The following SAR1B variants were observed in gnomAD, a reference collection of about 807,000 sequenced individuals.
SAR1B encodes the protein secretion associated Ras related GTPase 1B, also known as small COPII coat GTPase SAR1B.
In SAR1B, 23 loss-of-function variants were observed where a neutral mutation model predicts 26.8. That is an observed-to-expected ratio of 0.86 (90% CI 0.62 to 1.22). The LOEUF (loss-of-function observed/expected upper bound fraction) is 1.22. Among genes scored for constraint, SAR1B ranks in the 50% most tolerant of loss-of-function variants. The probability of loss-of-function intolerance (pLI) is 0.00; values close to 1 mark genes in which losing one functional copy is unlikely to be tolerated. For synonymous variants in SAR1B, 65 were observed against 80.8 expected (o/e 0.80, Z 1.05); for missense variants, 196 against 232.8 (o/e 0.84, Z 1.03).
intron 2 of SAR1B, 77 bp downstream of exon 2, chr5:134,623,885 A>G: frequency 3.1e-6 from 3 of 972,344 alleles, no homozygotes; most frequent in Non-Finnish European, 5.0e-6. Context: ...ATCTATAAAG[A>G]GACTTGACAC....
intron 4 of SAR1B, among the ~76,000 whole-genome samples, chr5:134,612,479 T>A (rs1219077233): frequency 6.6e-6 from 1 of 151,340 alleles, no homozygotes; most frequent in Non-Finnish European, 1.5e-5. Context: ...ATCCCATCTC[T>A]ACTAAGAATA....
intron 4 of SAR1B, among the ~76,000 whole-genome samples, 186 bp downstream of exon 4, chr5:134,612,505 C>T (rs60181762): frequency 6.6e-6 from 1 of 151,468 alleles, no homozygotes; most frequent in Non-Finnish European, 1.5e-5. Flanking sequence ...ATCAGCTGGG[C>T]GCGGTGGCAC....
chr5:134,621,992 G>A (rs1266543201), intron 2 of SAR1B, among the ~76,000 whole-genome samples: 1 of 152,142 alleles, frequency 6.6e-6, no homozygotes, highest in East Asian at 1.9e-4. Context: ...CCAAGGTGCT[G>A]GGATTATCAG....
intron 1 of SAR1B, among the ~76,000 whole-genome samples, chr5:134,626,925 A>AGGTCGATTTTAT (rs1473247307): frequency 6.6e-6 from 1 of 152,334 alleles, no homozygotes; most frequent in Non-Finnish European, 1.5e-5. Context: ...CAATTTTAAA[A>AGGTCGATTTTAT]GGTCGATTTT....
rs1765033866 is a variant in SAR1B at position 134,601,557 on chromosome 5, C to T, written c.*5393G>A. The T allele has an allele frequency of 6.6e-6, 1 of 152,168 alleles. No individual in the cohort carries two copies. Among genetic ancestry groups the T allele is most frequent in the South Asian group, 2.1e-4 (1 of 4,830 alleles). The allele number at this position is 152,168 out of a possible 1,614,324, so 9.4% of individuals were successfully genotyped here. ...ACTATGTTCACCCTGAGTGCTCTTGCCTCAGTATGGCAACTGATTATGAGT... is the reference window on the plus strand; with the variant it reads ...ACTATGTTCACCCTGAGTGCTCTTGTCTCAGTATGGCAACTGATTATGAGT... On this transcript the variant is annotated 3_prime_UTR_variant, in exon 7 of 7. Transcript: ENST00000402673.
At chr5:134,609,227 C>A in intron 5 of SAR1B, 1 of 418,864 alleles carries the variant, frequency 2.4e-6, no homozygotes, top group South Asian at 1.9e-5. Flanking sequence ...CAGGCTGTGG[C>A]TTAAGATATA....
chr5:134,615,365 A>C (rs1199984586), intron 3 of SAR1B, among the ~76,000 whole-genome samples: 3 of 150,030 alleles, frequency 2.0e-5, no homozygotes, highest in African/African-American at 7.4e-5. Flanking sequence ...AAAAAAAAAA[A>C]TTACCCAGGC....
At chr5:134,608,323 T>G (rs774814003) in intron 6 of SAR1B, 49 bp downstream of exon 6, 11 of 1,509,810 alleles carry the variant, frequency 7.3e-6, no homozygotes, top group Non-Finnish European at 8.9e-6. Context: ...AGAAGACATT[T>G]GTACTGTAGA....
chr5:134,616,797 G>A (rs1344808243), intron 3 of SAR1B, among the ~76,000 whole-genome samples: 5 of 152,166 alleles, frequency 3.3e-5, no homozygotes, highest in Non-Finnish European at 5.9e-5. Context: ...AACTTTTTAT[G>A]ACCAGCTTCT....
chr5:134,608,256 G>A (rs1193555840), intron 6 of SAR1B, 116 bp downstream of exon 6: 3 of 1,076,898 alleles, frequency 2.8e-6, no homozygotes, highest in Non-Finnish European at 4.0e-6. Context: ...AGGTATAAAT[G>A]ACAGTTTTCT....
chr5:134,619,859 T>C (rs775813833), intron 3 of SAR1B, among the ~76,000 whole-genome samples: 5 of 152,056 alleles, frequency 3.3e-5, no homozygotes, highest in Non-Finnish European at 7.4e-5. Flanking sequence ...ATGGCTCCTA[T>C]CTTTAATCCC....
chr5:134,607,008 A>G lies in SAR1B; in HGVS notation c.539T>C (p.Val180Ala). Residue 180 changes from valine (V) to alanine (A), a missense_variant, in exon 7 of 7, where the codon GTG becomes GCG. Val to Ala is a moderately conservative substitution (Grantham distance 64, BLOSUM62 0). Coordinates refer to ENST00000402673, the MANE Select transcript of SAR1B (RefSeq NM_016103.4). The part of the protein sequence containing the change: ...ARPLEVFMCS[V>A]LKRQGYGEGF... The stretch of plus-strand genomic sequence containing the variant: ...TTCTCCGTAACCTTGTCTTTTGAGC[A>G]CACTACACATGAAAACTTCTAAGGG... 1 of 1,614,168 alleles carries G rather than the reference A, an allele frequency of 6.2e-7. No homozygotes were observed. The highest frequency in any genetic ancestry group is 8.5e-7 in the Non-Finnish European group (1 of 1,180,002).
chr5:134,611,224 A>G (rs1360817486), intron 4 of SAR1B, among the ~76,000 whole-genome samples: 3 of 152,284 alleles, frequency 2.0e-5, no homozygotes, highest in Middle Eastern at 3.4e-3. Context: ...ATTAGATTCC[A>G]ATTCTAATCA....
At chr5:134,615,546 T>C (rs1765295939) in intron 3 of SAR1B, among the ~76,000 whole-genome samples, 1 of 151,028 alleles carries the variant, frequency 6.6e-6, no homozygotes, top group Non-Finnish European at 1.5e-5. Context: ...CCGGGGGCGG[T>C]GGCTCACGCC....
chr5:134,630,007 A>C (rs1354966376), intron 1 of SAR1B, among the ~76,000 whole-genome samples: 1 of 152,176 alleles, frequency 6.6e-6, no homozygotes, highest in Non-Finnish European at 1.5e-5. Context: ...TCATATCTGT[A>C]ATCTCAGCAC....
intron 1 of SAR1B, among the ~76,000 whole-genome samples, chr5:134,628,478 C>CATGA (rs1166967277): frequency 6.6e-6 from 1 of 151,996 alleles, no homozygotes; most frequent in Non-Finnish European, 1.5e-5. Context: ...GGATGCAAAG[C>CATGA]ATGGTAATGC....
At chr5:134,608,747 C>T (rs183988394) in intron 5 of SAR1B, among the ~76,000 whole-genome samples, 171 of 152,208 alleles carry the variant, frequency 1.1e-3, no homozygotes, top group African/African-American at 3.4e-3. Flanking sequence ...TGACATAGAA[C>T]GTATAGAGCC....
In SAR1B at chr5:134,602,980, C is replaced by T. The variant is rs1367935634; in HGVS notation, c.*3970G>A. 1 of 152,132 alleles carries T rather than the reference C, an allele frequency of 6.6e-6. No individual in the cohort carries two copies. The highest frequency in any genetic ancestry group is 6.5e-5 in the Admixed American group (1 of 15,270). The allele number at this position is 152,132 out of a possible 1,614,324, so 9.4% of individuals were successfully genotyped here. On this transcript the variant is annotated 3_prime_UTR_variant, in exon 7 of 7. Transcript: ENST00000402673. ...CTAAACTCTTATATTTATAGCAAAG[C>T]CTCTGGCTTTTAATGTAGGCTATAT...
intron 5 of SAR1B, chr5:134,609,153 G>A (rs1178452836): frequency 2.2e-6 from 1 of 456,650 alleles, no homozygotes; most frequent in Non-Finnish European, 4.4e-6. Flanking sequence ...TGGAGGGGAG[G>A]TAGCTACATA....
Sources: allele counts gnomAD v4.1 joint callset (sites outside exome capture counted in the v4.1 genomes callset), GRCh38; gene constraint gnomAD v4.1.1; transcripts MANE v1.5; gene names NCBI Gene and HGNC (gene_info 2026-07-23, HGNC 2026-07-21).